Variants in MAP4 observed in about 807,000 individuals in gnomAD.
MAP4 encodes microtubule associated protein 4, also known as microtubule-associated protein 4.
Under a neutral mutation model 170.2 loss-of-function variants are expected in MAP4, and 76 were observed. The ratio of observed to expected loss-of-function variants is 0.45; its 90% confidence interval spans 0.37 to 0.54. The LOEUF is 0.54. Ranked by LOEUF, MAP4 falls within the 20% of genes least tolerant of loss-of-function variation. The pLI is 0.00. For synonymous variants in MAP4, 909 were observed against 994.5 expected (o/e 0.91, Z 1.62); for missense variants, 2,506 against 2,748.0 (o/e 0.91, Z 1.97).
intron 6 of MAP4, among the ~76,000 whole-genome samples, chr3:47,917,865 T>G (rs141359035): frequency 6.6e-6 from 1 of 152,200 alleles, no homozygotes; most frequent in Non-Finnish European, 1.5e-5. Flanking sequence ...TTTTGTTTTT[T>G]GAGACACGGT....
At chr3:47,854,027 G>A (rs1174411647) in intron 19 of MAP4, among the ~76,000 whole-genome samples, 1 of 152,214 alleles carries the variant, frequency 6.6e-6, no homozygotes, top group Non-Finnish European at 1.5e-5. Context: ...AGGCCACTGG[G>A]GAGCTGGAAA....
At chr3:48,003,473 A>C (rs993237470) in intron 1 of MAP4, among the ~76,000 whole-genome samples, 13 of 142,270 alleles carry the variant, frequency 9.1e-5, no homozygotes, top group South Asian at 2.3e-4. Context: ...AAAAAAAAAA[A>C]CATATTAAAT....
intron 3 of MAP4, among the ~76,000 whole-genome samples, chr3:47,943,182 C>A (rs1190921459): frequency 1.3e-4 from 20 of 152,206 alleles, no homozygotes; most frequent in African/African-American, 4.6e-4. Flanking sequence ...CAGGAGAAAG[C>A]CTACTCCTTT....
Position 47,911,235 on chromosome 3 carries a change from C to T in MAP4, c.3186G>A (p.Arg1062=), listed in dbSNP as rs770373496. 2 of 1,536,144 alleles carry T rather than the reference C, an allele frequency of 1.3e-6. No homozygotes were observed. The highest frequency in any genetic ancestry group is 1.7e-6 in the Non-Finnish European group (2 of 1,146,914). Residue 1062 remains arginine (R), a synonymous_variant, in exon 9 of 21, where the codon AGG becomes AGA. Coordinates refer to ENST00000683076, the MANE Select transcript of MAP4 (RefSeq NM_001385682.1). This position sits in a 1 kb window ranked among gnomAD's most constrained non-coding sequence, Gnocchi z 4.0. Reference sequence around the variant, plus strand: ...TTTTCCCAGAACTTCCCCTTCCCTTCCTGCTTTTGCCATCACCTGCCATTC... The same window carrying T: ...TTTTCCCAGAACTTCCCCTTCCCTTTCTGCTTTTGCCATCACCTGCCATTC... ...FKRMAGDGKS[R]KGRGSSGKMR...
intron 16 of MAP4, 56 bp from the exon 17 acceptor site, chr3:47,867,394 G>T: frequency 1.7e-6 from 2 of 1,203,166 alleles, no homozygotes; most frequent in South Asian, 2.5e-5. Context: ...GGTTAGAACC[G>T]ACACAGGGAA....
At position 47,912,680 on chromosome 3, in the gene MAP4, A is replaced by G. The variant is rs2100036598; in HGVS notation, c.2000-259T>C. ...TTTTCAAACATTTATAAAATATTTGAAATTTCAGAAGTAGCAGGATTGAAC... is the reference window on the plus strand; with the variant it reads ...TTTTCAAACATTTATAAAATATTTGGAATTTCAGAAGTAGCAGGATTGAAC... On this transcript the variant is annotated intron_variant, in intron 8 of 20. Transcript: ENST00000683076. 2.6e-5 allele frequency among the ~76,000 whole-genome samples: 4 copies of G among 152,230 alleles called. No individual in the cohort carries two copies. In the South Asian group the frequency reaches 6.2e-4, roughly 24 times the overall value.
chr3:48,054,132 T>A lies in MAP4; in HGVS notation c.-20+34641A>T, dbSNP rs1256712293. On this transcript the variant is annotated intron_variant, in intron 1 of 18. Transcript: ENST00000360240. ...TCCTGGCCAACATGGTGAAACCCCA[T>A]CTCTACTAAAAATACAAAAATTAGG... Among the ~76,000 whole-genome samples the A allele has an allele frequency of 3.3e-5, 5 of 151,650 alleles. No homozygotes were observed. In the East Asian group the frequency reaches 9.7e-4, roughly 29 times the overall value.
intron 10 of MAP4, among the ~76,000 whole-genome samples, chr3:47,890,781 G>A (rs2153032808): frequency 6.6e-6 from 1 of 152,218 alleles, no homozygotes; most frequent in South Asian, 2.1e-4. Flanking sequence ...CCCCAAACTT[G>A]CACACTCAAT....
At chr3:47,955,425 A>T (rs1162996465) in intron 3 of MAP4, among the ~76,000 whole-genome samples, 1 of 136,624 alleles carries the variant, frequency 7.3e-6, no homozygotes, top group Non-Finnish European at 1.5e-5. Context: ...AAAATAAATA[A>T]ATAAGCACGT....
intron 1 of MAP4, among the ~76,000 whole-genome samples, chr3:48,004,296 CG>C (rs1430855043): frequency 6.6e-6 from 1 of 152,066 alleles, no homozygotes; most frequent in African/African-American, 2.4e-5. Context: ...TAGTCCTTGG[CG>C]TGAACTATTT....
chr3:47,991,744 G>A (rs561194697), intron 2 of MAP4, among the ~76,000 whole-genome samples: 6 of 151,528 alleles, frequency 4.0e-5, no homozygotes, highest in Non-Finnish European at 8.8e-5. Context: ...CTCGGCTCAC[G>A]GCAACCTCTG....
chr3:47,855,274 G>A lies in MAP4; in HGVS notation c.6670C>T (p.His2224Tyr). The A allele has an allele frequency of 1.2e-6, 2 of 1,613,960 alleles. No homozygotes were observed. The highest frequency in any genetic ancestry group is 1.7e-6 in the Non-Finnish European group (2 of 1,179,898). Residue 2224 changes from histidine to tyrosine, a missense_variant, in exon 19 of 21, where the codon CAC (histidine) becomes TAC (tyrosine). Physicochemically the swap from His to Tyr is moderately conservative, Grantham distance 83. Transcript: ENST00000683076. This position sits in a 1 kb window ranked among gnomAD's most constrained non-coding sequence, Gnocchi z 5.1. ...TTCACAGCACCTCCTGCAGGTAGGTGGCCCACATTATCGAGGGATCCCACC... is the reference window on the plus strand; with the variant it reads ...TTCACAGCACCTCCTGCAGGTAGGTAGCCCACATTATCGAGGGATCCCACC... ...AKVGSLDNVG[H>Y]LPAGGAVKTE...
chr3:47,907,030 T>A (rs2100033494), intron 9 of MAP4, among the ~76,000 whole-genome samples: 1 of 152,120 alleles, frequency 6.6e-6, no homozygotes, highest in Admixed American at 6.6e-5. Context: ...AGATGGGGTT[T>A]CTCCACGTTG....
intron 10 of MAP4, among the ~76,000 whole-genome samples, chr3:47,881,457 T>TAC (rs1433956714): frequency 3.9e-5 from 1 of 25,482 alleles, no homozygotes; most frequent in Non-Finnish European, 7.5e-5. Context: ...TATATATATA[T>TAC]ATATATATAT....
At chr3:47,897,713 C>T (rs1174588778) in intron 10 of MAP4, among the ~76,000 whole-genome samples, 6 of 151,334 alleles carry the variant, frequency 4.0e-5, no homozygotes, top group Admixed American at 6.6e-5. Flanking sequence ...TCGAGGCGGG[C>T]GGATCACAAG....
chr3:48,056,128 C>CCCCG (rs2100131230), intron 1 of MAP4, among the ~76,000 whole-genome samples: 1 of 147,382 alleles, frequency 6.8e-6, no homozygotes, highest in Non-Finnish European at 1.5e-5. Context: ...GGGGTCAGCC[C>CCCCG]CCCGCCCGGC....
intron 1 of MAP4, among the ~76,000 whole-genome samples, chr3:48,080,417 AT>A (rs1276845505): frequency 1.3e-5 from 2 of 152,152 alleles, no homozygotes; most frequent in South Asian, 2.1e-4. Context: ...TGCTGAAAGT[AT>A]TTTTTTTAAA....
chr3:47,974,682 T>A (rs9862913), intron 3 of MAP4: 1 of 962,696 alleles, frequency 1.0e-6, no homozygotes, highest in Non-Finnish European at 1.2e-6. Flanking sequence ...GGTTCTAGAT[T>A]TAAGCAATTA....
At chr3:47,894,804 T>C (rs910762474) in intron 10 of MAP4, among the ~76,000 whole-genome samples, 4 of 151,866 alleles carry the variant, frequency 2.6e-5, no homozygotes, top group Admixed American at 6.6e-5. Flanking sequence ...GGTGGGCAGA[T>C]TGCTTGAGCC....
Sources: gnomAD v4.1 joint callset for allele counts (sites outside exome capture counted in the v4.1 genomes callset) on GRCh38, gnomAD v4.1.1 for gene constraint, Gnocchi (gnomAD v3.1) non-coding constraint, MANE v1.5 for transcripts, NCBI Gene and HGNC (gene_info 2026-07-23, HGNC 2026-07-21) for gene names.